Variants in CCDC47 observed in about 807,000 individuals in gnomAD.
CCDC47 encodes PAT complex subunit CCDC47.
CCDC47 carries 41 observed loss-of-function variants against 60.5 expected under a neutral mutation model. The observed-to-expected ratio is 0.68, with a 90% CI of 0.53 to 0.88. CCDC47 has a LOEUF of 0.88. CCDC47 is among the 40% of genes least tolerant of loss of function. The pLI is 0.00. For synonymous variants in CCDC47, 195 were observed against 190.7 expected (o/e 1.02, Z -0.18); for missense variants, 513 against 580.9 (o/e 0.88, Z 1.20).
At chr17:63,751,580 A>C (rs2039165771) in intron 12 of CCDC47, among the ~76,000 whole-genome samples, 1 of 152,012 alleles carries the variant, frequency 6.6e-6, no homozygotes, top group Non-Finnish European at 1.5e-5. Flanking sequence ...ATCAGATTTT[A>C]AATTTTACAT....
At position 63,751,922 on chromosome 17, in the gene CCDC47, G is replaced by C; in HGVS notation, c.1371+18C>G. On this transcript the variant is annotated intron_variant, in intron 12 of 12. Transcript: ENST00000225726. Reference sequence around the variant, plus strand: ...CCTTACAAATCGTAGTTTTACCCCAGTGATAAGTTTGTCTAACCTCCAGCC... The same window carrying C: ...CCTTACAAATCGTAGTTTTACCCCACTGATAAGTTTGTCTAACCTCCAGCC... The C allele has an allele frequency of 6.2e-7, 1 of 1,613,276 alleles. No individual in the cohort carries two copies. The highest frequency in any genetic ancestry group is 8.5e-7 in the Non-Finnish European group (1 of 1,179,748).
Position 63,754,478 on chromosome 17 carries a change from G to C in CCDC47, c.989C>G (p.Ser330Cys). 6.2e-7 allele frequency: 1 copy of C among 1,609,544 alleles called. No homozygotes were observed. The highest frequency in any genetic ancestry group is 8.5e-7 in the Non-Finnish European group (1 of 1,177,466). ...AGAGAACTGGTCTGAAAAATGAACA[G>C]ATTCAATCTTGTCAGCATAGTGTGT... Reference protein sequence around the residue: ...FLTHYADKIESVHFSDQFSGP... With the variant: ...FLTHYADKIECVHFSDQFSGP... Residue 330 changes from serine to cysteine, a missense_variant, in exon 9 of 13, where the codon TCT becomes TGT. Transcript: ENST00000225726.
rs2039174058 is a variant in CCDC47 at position 63,752,398 on chromosome 17, A to C, written c.1125T>G (p.Asp375Glu). The C allele has an allele frequency of 1.9e-6, 3 of 1,613,700 alleles. No homozygotes were observed. The highest frequency in any genetic ancestry group is 2.5e-6 in the Non-Finnish European group (3 of 1,179,786). The change falls in exon 11 of 13, where the codon GAT (aspartate) becomes GAG (glutamate). Residue 375 changes from aspartate to glutamate, a missense_variant. Coordinates refer to ENST00000225726, the MANE Select transcript of CCDC47 (RefSeq NM_020198.3). Reference sequence around the variant, plus strand: ...TCATCAGGGGTAGCAGTGCCTCCATATCCTTTGGGTAAGTGTTACCTGAGC... The same window carrying C: ...TCATCAGGGGTAGCAGTGCCTCCATCTCCTTTGGGTAAGTGTTACCTGAGC... Reference protein sequence around the residue: ...VPGSGNTYPKDMEALLPLMNM... With the variant: ...VPGSGNTYPKEMEALLPLMNM...
rs1568249083 is a variant in CCDC47, at chr17:63,759,513, ATATATATATATATTT to A, written c.735+1386_735+1400del. On this transcript the variant is annotated intron_variant, in intron 6 of 12. Coordinates refer to ENST00000225726, the MANE Select transcript of CCDC47 (RefSeq NM_020198.3). ...CCCAAAAAAAAAAAAAAAAAAATAT[ATATATATATATATTT>A]ATATATATATATATATATATATATA... is the stretch of plus-strand genomic sequence containing the variant. Among the ~76,000 whole-genome samples the A allele has an allele frequency of 1.7e-3, 30 of 17,184 alleles. 8 individuals carry two copies. The highest frequency in any genetic ancestry group is 9.2e-3 in the African/African-American group (10 of 1,090). 11.3% of individuals were successfully genotyped at this position (17,184 alleles called of 152,430 possible).
rs1319145080 is a variant in CCDC47 at position 63,746,467 on chromosome 17, A to T, written c.*414T>A. 1 of 157,808 alleles carries T rather than the reference A, an allele frequency of 6.3e-6. No individual in the cohort carries two copies. The highest frequency in any genetic ancestry group is 6.3e-5 in the Admixed American group (1 of 15,910). The allele number at this position is 157,808 out of a possible 1,614,324, so 9.8% of individuals were successfully genotyped here. A position where few individuals can be genotyped will look rare whatever the true frequency, so the allele number is the denominator to read the frequency against. On this transcript the variant is annotated 3_prime_UTR_variant, in exon 13 of 13. Transcript: ENST00000225726. ...ATTTGCAGAATCTTGGTTTAGAGTC[A>T]GTCTTTATAGCCATTTCAACTGCTT...
At chr17:63,752,695 C>T (rs780634853) in intron 10 of CCDC47, 46 bp downstream of exon 10, 1 of 1,571,872 alleles carries the variant, frequency 6.4e-7, no homozygotes, top group Non-Finnish European at 8.6e-7. Flanking sequence ...TCCTTAAGGT[C>T]ATCTCAGAGA....
At chr17:63,749,064 ATATT>A (rs1334585225) in intron 12 of CCDC47, among the ~76,000 whole-genome samples, 1 of 151,950 alleles carries the variant, frequency 6.6e-6, no homozygotes, top group Non-Finnish European at 1.5e-5. Context: ...CATTTAAGAG[ATATT>A]TATGTTAAGT....
intron 6 of CCDC47, among the ~76,000 whole-genome samples, chr17:63,759,755 A>C (rs1370030442): frequency 6.6e-6 from 1 of 151,068 alleles, no homozygotes; most frequent in African/African-American, 2.4e-5. Flanking sequence ...AGTGGGAGCC[A>C]GCATAATTAT....
At chr17:63,772,408 C>G (rs1241340581) in intron 1 of CCDC47, among the ~76,000 whole-genome samples, 1 of 151,854 alleles carries the variant, frequency 6.6e-6, no homozygotes, top group Non-Finnish European at 1.5e-5. Context: ...CGCTCGCCAC[C>G]ACGCAGGGCT....
rs539204782 is a variant in CCDC47, at chr17:63,764,806, A to C, written c.306T>G (p.Phe102Leu). The change falls in exon 3 of 13, where the codon TTT (phenylalanine) becomes TTG (leucine). Residue 102 changes from phenylalanine (F) to leucine (L), a missense_variant. Transcript: ENST00000225726. ...TATCTGGTTTGTCTTCATAACCTTC[A>C]AATTCTTCATCATCATATGGTTCAC... ...TESEPYDDEE[F>L]EGYEDKPDTS... 1.2e-6 allele frequency: 2 copies of C among 1,613,602 alleles called. No individual in the cohort carries two copies. Among genetic ancestry groups the C allele is most frequent in the African/African-American group, 2.7e-5 (2 of 74,998 alleles).
intron 1 of CCDC47, among the ~76,000 whole-genome samples, chr17:63,770,268 C>A (rs1377485956): frequency 6.6e-6 from 1 of 151,916 alleles, no homozygotes; most frequent in Non-Finnish European, 1.5e-5. Context: ...CCACCGTGCC[C>A]GGACTAATTT....
chr17:63,759,646 A>T (rs993530229), intron 6 of CCDC47, among the ~76,000 whole-genome samples: 1 of 144,716 alleles, frequency 6.9e-6, no homozygotes, highest in Non-Finnish European at 1.5e-5. Flanking sequence ...GCACTTACTA[A>T]CCAAATACTA....
chr17:63,762,515 G>A (rs1598309942), intron 4 of CCDC47, among the ~76,000 whole-genome samples: 2 of 152,292 alleles, frequency 1.3e-5, no homozygotes, highest in Admixed American at 1.3e-4. Flanking sequence ...AACACTGTAT[G>A]CAAAGTATCT....
chr17:63,753,553 G>T, intron 9 of CCDC47: 1 of 765,262 alleles, frequency 1.3e-6, no homozygotes, highest in Non-Finnish European at 1.6e-6. Flanking sequence ...GTTTCAAACC[G>T]AGCATAAAGG....
intron 6 of CCDC47, among the ~76,000 whole-genome samples, chr17:63,759,864 G>T (rs2039243988): frequency 6.6e-6 from 1 of 151,414 alleles, no homozygotes; most frequent in Admixed American, 6.6e-5. Context: ...AGGAGATCGA[G>T]ACCATCCTGG....
At position 63,753,334 on chromosome 17, in the gene CCDC47, CAT is replaced by C. The variant is rs926947802; in HGVS notation, c.1035-537_1035-536del. 161 of 401,048 alleles carry C rather than the reference CAT, an allele frequency of 4.0e-4. 2 individuals carry two copies. The highest frequency in any genetic ancestry group is 1.3e-4 in the Admixed American group (2 of 15,550). 24.8% of individuals were successfully genotyped at this position (401,048 alleles called of 1,614,324 possible). A position where few individuals can be genotyped will look rare whatever the true frequency, so the allele number is the denominator to read the frequency against. Reference sequence around the variant, plus strand: ...TTTGACTATCAATTGCCCTCCATCTCATATTTAAAAGGCATGATGAATGCTAC... The same window carrying C: ...TTTGACTATCAATTGCCCTCCATCTCATTTAAAAGGCATGATGAATGCTAC... On this transcript the variant is annotated intron_variant, in intron 9 of 12. Coordinates refer to ENST00000225726, the MANE Select transcript of CCDC47 (RefSeq NM_020198.3).
intron 1 of CCDC47, among the ~76,000 whole-genome samples, chr17:63,770,498 G>A (rs2144500974): frequency 6.6e-6 from 1 of 152,304 alleles, no homozygotes. Flanking sequence ...AAGGATGGAA[G>A]CCATAATGCA....
chr17:63,751,719 G>A (rs2039166902), intron 12 of CCDC47: 1 of 626,392 alleles, frequency 1.6e-6, no homozygotes, highest in South Asian at 1.9e-5. Flanking sequence ...TGGGGGAACA[G>A]GATAATACTG....
At chr17:63,768,039 A>G (rs2039309720) in intron 1 of CCDC47, among the ~76,000 whole-genome samples, 2 of 151,782 alleles carry the variant, frequency 1.3e-5, no homozygotes. Flanking sequence ...TGCTCTCCCC[A>G]CTCCCTACTT....
Sources: allele counts gnomAD v4.1 joint callset (sites outside exome capture counted in the v4.1 genomes callset), GRCh38; gene constraint gnomAD v4.1.1; transcripts MANE v1.5; gene names NCBI Gene and HGNC (gene_info 2026-07-23, HGNC 2026-07-21).